CNTNAP2: variants seen among roughly 807,000 people sequenced by gnomAD.
CNTNAP2 encodes contactin associated protein 2, also known as contactin-associated protein-like 2.
In CNTNAP2, 98 loss-of-function variants were observed where a neutral mutation model predicts 155.2. The ratio of observed to expected loss-of-function variants is 0.63; its 90% CI spans 0.54 to 0.75. The LOEUF (loss-of-function observed/expected upper bound fraction) is 0.75. Among genes scored for constraint, CNTNAP2 ranks in the 30% least tolerant of loss-of-function variants. CNTNAP2 has a pLI of 0.00. For synonymous variants in CNTNAP2, 651 were observed against 631.2 expected, an observed-to-expected ratio of 1.03 and a Z score of -0.47; for missense variants, 1,727 against 1,688.1, an observed-to-expected ratio of 1.02 and a Z score of -0.40.
At chr7:146,540,854 G>A (rs541651504) in intron 1 of CNTNAP2, among the ~76,000 whole-genome samples, 12 of 152,088 alleles carry the variant, frequency 7.9e-5, no homozygotes, top group South Asian at 2.1e-4. Context: ...TACAGAATGC[G>A]TGTTTCATTA....
At chr7:147,111,050 T>G (rs1800868074) in intron 5 of CNTNAP2, among the ~76,000 whole-genome samples, 1 of 152,194 alleles carries the variant, frequency 6.6e-6, no homozygotes, top group African/African-American at 2.4e-5. Flanking sequence ...GTTTTTTGAC[T>G]TTTTAATAAT....
chr7:148,079,172 A>G (rs935497558), intron 15 of CNTNAP2, among the ~76,000 whole-genome samples: 5 of 152,196 alleles, frequency 3.3e-5, no homozygotes, highest in Non-Finnish European at 4.4e-5. Flanking sequence ...TGGTCCCGGG[A>G]AATCCTGAAA....
chr7:147,221,037 T>C (rs368935806), intron 8 of CNTNAP2, among the ~76,000 whole-genome samples: 1 of 152,038 alleles, frequency 6.6e-6, no homozygotes, highest in Non-Finnish European at 1.5e-5. Context: ...ACTTTTTTTT[T>C]AAATTGTTGT....
At chr7:146,877,662 T>C (rs1290777299) in intron 3 of CNTNAP2, among the ~76,000 whole-genome samples, 1 of 151,678 alleles carries the variant, frequency 6.6e-6, no homozygotes, top group African/African-American at 2.4e-5. Context: ...TATGTACATA[T>C]ACATATATGT....
At chr7:146,613,530 A>G (rs1270182314) in intron 1 of CNTNAP2, among the ~76,000 whole-genome samples, 3 of 152,162 alleles carry the variant, frequency 2.0e-5, no homozygotes, top group Non-Finnish European at 4.4e-5. Flanking sequence ...AGATAAATAC[A>G]TTTTATTTAA....
intron 3 of CNTNAP2, among the ~76,000 whole-genome samples, chr7:146,904,643 T>C (rs948359782): frequency 4.6e-5 from 7 of 152,092 alleles, no homozygotes; most frequent in African/African-American, 1.4e-4. Context: ...GGCTAATTTT[T>C]TGTATTTTTA....
chr7:146,629,866 T>G (rs1799481986), intron 1 of CNTNAP2, among the ~76,000 whole-genome samples: 1 of 151,986 alleles, frequency 6.6e-6, no homozygotes, highest in Non-Finnish European at 1.5e-5. Flanking sequence ...TGATGATGAG[T>G]TCATTAGGGA....
chr7:148,272,953 A>T (rs1004318746), intron 21 of CNTNAP2, among the ~76,000 whole-genome samples: 1 of 152,338 alleles, frequency 6.6e-6, no homozygotes, highest in South Asian at 2.1e-4. Context: ...GGTAACTGCC[A>T]CATGCAGGGT....
chr7:147,107,964 C>G (rs1292463048), intron 4 of CNTNAP2, among the ~76,000 whole-genome samples, 183 bp from the exon 5 acceptor site: 1 of 152,038 alleles, frequency 6.6e-6, no homozygotes, highest in African/African-American at 2.4e-5. Context: ...TCAATACTCT[C>G]CATAAAACCT....
intron 21 of CNTNAP2, among the ~76,000 whole-genome samples, chr7:148,298,853 T>C (rs1381914460): frequency 6.6e-6 from 1 of 150,708 alleles, no homozygotes; most frequent in Non-Finnish European, 1.5e-5. Flanking sequence ...CACACACCAC[T>C]ACACCTTGCT....
At chr7:147,011,312 G>A (rs1798618152) in intron 3 of CNTNAP2, among the ~76,000 whole-genome samples, 1 of 150,960 alleles carries the variant, frequency 6.6e-6, no homozygotes, top group Non-Finnish European at 1.5e-5. Context: ...TACTTGGAAG[G>A]CTAAGGTAGG....
chr7:147,867,447 A>T (rs187824585), intron 13 of CNTNAP2, among the ~76,000 whole-genome samples: 251 of 152,000 alleles, frequency 1.7e-3, no homozygotes, highest in African/African-American at 5.7e-3. Flanking sequence ...CTTCTTGAGG[A>T]GTATCTTTGT....
At position 146,825,890 on chromosome 7, in the gene CNTNAP2, A is replaced by G. The variant is rs527930256; in HGVS notation, c.209-13821A>G. Reference sequence around the variant, plus strand: ...GTATATCAAAAATTGGCATATATAAATTATATCACTGCACACAGGGCAGAC... The same window carrying G: ...GTATATCAAAAATTGGCATATATAAGTTATATCACTGCACACAGGGCAGAC... On this transcript the variant is annotated intron_variant, in intron 2 of 23. Coordinates refer to ENST00000361727, the MANE Select transcript of CNTNAP2 (RefSeq NM_014141.6). 1.1e-4 allele frequency among the ~76,000 whole-genome samples: 17 copies of G among 152,282 alleles called. 1 individual carries two copies. The South Asian group carries it at 3.5e-3, about 32-fold the overall frequency.
At chr7:147,602,419 TACC>T (rs890813306) in intron 12 of CNTNAP2, among the ~76,000 whole-genome samples, 5 of 152,014 alleles carry the variant, frequency 3.3e-5, no homozygotes, top group Non-Finnish European at 5.9e-5. Context: ...TCCAAAATAT[TACC>T]ACATCAATGG....
chr7:148,388,295 TCCCCCCA>T lies in CNTNAP2; in HGVS notation c.3715+4412_3715+4418del, dbSNP rs1479561675. Reference sequence around the variant, plus strand: ...ATCTCCCAGTGCTATCCCTCCCCCCTCCCCCCACCCCACAATAGTCCCCAGAGTGTGA... The same window carrying T: ...ATCTCCCAGTGCTATCCCTCCCCCCTCCCCACAATAGTCCCCAGAGTGTGA... On this transcript the variant is annotated intron_variant, in intron 22 of 23. Coordinates refer to ENST00000361727, the MANE Select transcript of CNTNAP2 (RefSeq NM_014141.6). Among the ~76,000 whole-genome samples, 88 of 56,306 alleles carry T rather than the reference TCCCCCCA, an allele frequency of 1.6e-3. 1 individual carries two copies. Among genetic ancestry groups the T allele is most frequent in the African/African-American group, 5.8e-3 (83 of 14,204 alleles). 36.9% of individuals were successfully genotyped at this position (56,306 alleles called of 152,430 possible).
intron 13 of CNTNAP2, among the ~76,000 whole-genome samples, chr7:147,683,057 T>C (rs547996911): frequency 9.2e-5 from 14 of 151,860 alleles, no homozygotes; most frequent in African/African-American, 3.4e-4. Context: ...GAATAAGAAT[T>C]AAAATTCTAT....
rs923673786 is a variant in CNTNAP2 at position 146,571,720 on chromosome 7, C to G, written c.98-202551C>G. On this transcript the variant is annotated intron_variant, in intron 1 of 23. Transcript: ENST00000361727. Reference sequence around the variant, plus strand: ...GCATAGGCATTTAAACATTTAAAAACTTTTCTTTTCTTTCTTTTTTTTTTT... The same window carrying G: ...GCATAGGCATTTAAACATTTAAAAAGTTTTCTTTTCTTTCTTTTTTTTTTT... Among the ~76,000 whole-genome samples, 7 of 135,100 alleles carry G rather than the reference C, an allele frequency of 5.2e-5. No individual in the cohort carries two copies. In the South Asian group the frequency reaches 1.8e-3, roughly 35 times the overall value. 88.6% of individuals were successfully genotyped at this position (135,100 alleles called of 152,430 possible).
chr7:146,397,871 C>CTTTTTTTTTTTTTTTTTTTTTTTT (rs1438446898), intron 1 of CNTNAP2, among the ~76,000 whole-genome samples: 2 of 126,918 alleles, frequency 1.6e-5, no homozygotes. Context: ...ATTTGACAGG[C>CTTTTTTTTTTTTTTTTTTTTTTTT]TTTTATTTAT....
rs1420685875 is a variant in CNTNAP2, at chr7:148,201,555, G to C, written c.3011-15733G>C. Among the ~76,000 whole-genome samples the C allele has an allele frequency of 3.3e-5, 5 of 152,140 alleles. No individual in the cohort carries two copies. In the East Asian group the frequency reaches 9.6e-4, roughly 29 times the overall value. ...TTATTAAACCAGTTTGTCTTCAAAAGTTTCCCTTTTTTATAGACATGGGAA... is the reference window on the plus strand; with the variant it reads ...TTATTAAACCAGTTTGTCTTCAAAACTTTCCCTTTTTTATAGACATGGGAA... On this transcript the variant is annotated intron_variant, in intron 18 of 23. Coordinates refer to ENST00000361727, the MANE Select transcript of CNTNAP2 (RefSeq NM_014141.6).
Sources: gnomAD v4.1 joint callset for allele counts (sites outside exome capture counted in the v4.1 genomes callset) on GRCh38, gnomAD v4.1.1 for gene constraint, MANE v1.5 for transcripts, NCBI Gene and HGNC (gene_info 2026-07-23, HGNC 2026-07-21) for gene names.